The following WFDC10B variants were observed in gnomAD, a reference collection of about 807,000 sequenced individuals.
WFDC10B encodes the protein protein WFDC10B.
In WFDC10B, 1 loss-of-function variant was observed where a neutral mutation model predicts 2.7. That is an observed-to-expected ratio of 0.38 (90% CI 0.13 to 1.79). The LOEUF is 1.79. WFDC10B is among the 40% of genes most tolerant of loss of function. WFDC10B has a pLI of 0.33. For missense variants in WFDC10B, 71 were observed against 87.8 expected, an observed-to-expected ratio of 0.81 and a Z score of 0.76; for synonymous variants, 26 against 32.2, an observed-to-expected ratio of 0.81 and a Z score of 0.65.
At chr20:45,693,220 G>A (rs566412793) in intron 2 of WFDC10B, among the ~76,000 whole-genome samples, 218 of 152,326 alleles carry the variant, frequency 1.4e-3, no homozygotes, top group African/African-American at 5.1e-3. Context: ...AGCTGTGTGA[G>A]GTGTCAGTCT....
intron 2 of WFDC10B, among the ~76,000 whole-genome samples, chr20:45,701,545 T>C (rs947118169): frequency 6.6e-6 from 1 of 152,124 alleles, no homozygotes; most frequent in Non-Finnish European, 1.5e-5. Context: ...GCAGATCACC[T>C]GAGGTCAGGA....
At chr20:45,686,640 A>G (rs6032428) in intron 2 of WFDC10B, among the ~76,000 whole-genome samples, 13 of 151,914 alleles carry the variant, frequency 8.6e-5, no homozygotes, top group South Asian at 2.1e-4. Flanking sequence ...GGCTATTTGC[A>G]TATAATGGAT....
intron 3 of WFDC10B, 108 bp downstream of exon 3, chr20:45,685,794 C>T: frequency 1.3e-6 from 2 of 1,506,342 alleles, no homozygotes; most frequent in East Asian, 2.5e-5. Context: ...GTGGTCAGAG[C>T]TGGATATGCA....
rs564813421 is a variant in WFDC10B, at chr20:45,699,197, C to T, written c.-65+5300G>A. 1.1e-4 allele frequency among the ~76,000 whole-genome samples: 17 copies of T among 152,164 alleles called. No homozygotes were observed. In the East Asian group the frequency reaches 1.7e-3, roughly 16 times the overall value. On this transcript the variant is annotated intron_variant, in intron 2 of 3. Transcript: ENST00000330523. ...TGATAGAAGTATTAAATTGTTCAGC[C>T]GCTGTGGGAAGAGTTTGGAGTTTCC...
At chr20:45,684,988 GA>G (rs1283547689) in intron 3 of WFDC10B, 28 bp from the exon 4 acceptor site, 1 of 1,612,954 alleles carries the variant, frequency 6.2e-7, no homozygotes, top group East Asian at 2.2e-5. Context: ...CAGGGTCAAT[GA>G]AACCATGCAC....
chr20:45,684,678 G>A lies in WFDC10B; in HGVS notation c.*152C>T, dbSNP rs1983545691. ...CATGGGCATTTGTTCTGGTTTATTT[G>A]ACAGGGACAGGGAGTTCAGACACTG... On this transcript the variant is annotated 3_prime_UTR_variant, in exon 4 of 4. Transcript: ENST00000330523. 9.7e-7 allele frequency: 1 copy of A among 1,028,414 alleles called. No individual in the cohort carries two copies. Among genetic ancestry groups the A allele is most frequent in the South Asian group, 1.6e-5 (1 of 62,038 alleles). 63.7% of individuals were successfully genotyped at this position (1,028,414 alleles called of 1,614,324 possible). A position where few individuals can be genotyped will look rare whatever the true frequency, so the allele number is the denominator to read the frequency against.
chr20:45,697,743 T>TTC (rs936365819), intron 2 of WFDC10B, among the ~76,000 whole-genome samples: 6 of 120,112 alleles, frequency 5.0e-5, no homozygotes, highest in African/African-American at 2.2e-4. Context: ...TTTCTTTTTC[T>TTC]TTTTTTTTTT....
intron 2 of WFDC10B, chr20:45,702,110 A>T (rs1157726427): frequency 6.2e-7 from 1 of 1,611,498 alleles, no homozygotes; most frequent in Admixed American, 1.7e-5. Context: ...TTACTCACCC[A>T]TCCCACTGAC....
intron 2 of WFDC10B, among the ~76,000 whole-genome samples, chr20:45,690,994 C>T (rs549882508): frequency 7.0e-4 from 107 of 152,316 alleles, no homozygotes; most frequent in Non-Finnish European, 1.3e-3. Flanking sequence ...TTTCCCTCTA[C>T]ACACTGCTTT....
At position 45,685,942 on chromosome 20, in the gene WFDC10B, C is replaced by G. The variant is rs748944445; in HGVS notation, c.51G>C (p.Leu17=). ...TGTCACGGTATCCTCCCTGGGCCTG[C>G]AGCAGCAGCACACAGAGAACCAGGA... ...LLVLVLCVLL[L]QAQGGYRDKM... Residue 17 remains leucine (L), a synonymous_variant, in exon 3 of 4, where the codon CTG becomes CTC. Transcript: ENST00000330523. 2 of 1,613,994 alleles carry G rather than the reference C, an allele frequency of 1.2e-6. No individual in the cohort carries two copies. The highest frequency in any genetic ancestry group is 1.1e-5 in the South Asian group (1 of 91,040).
rs139129730 is a variant in WFDC10B, at chr20:45,685,005, G to C, written c.92-45C>G. 6.3e-5 allele frequency: 102 copies of C among 1,609,984 alleles called. 2 individuals are homozygous for C. In the African/African-American group the frequency reaches 1.3e-3, roughly 20 times the overall value. On this transcript the variant is annotated intron_variant, in intron 3 of 3. Coordinates refer to ENST00000330523, the MANE Select transcript of WFDC10B (RefSeq NM_172006.2). The stretch of plus-strand genomic sequence containing the variant: ...GGGTCAATGAAACCATGCACCTATA[G>C]AGCAGCCTTCTCAAGCTTGAAGCTC...
chr20:45,697,402 T>TTTTTTTA (rs1491218635), intron 2 of WFDC10B, among the ~76,000 whole-genome samples: 1 of 129,464 alleles, frequency 7.7e-6, no homozygotes, highest in African/African-American at 3.0e-5. Context: ...TTTTTTTTTT[T>TTTTTTTA]GAGACAGCGT....
intron 2 of WFDC10B, chr20:45,702,156 G>A (rs770962837): frequency 6.2e-7 from 1 of 1,613,454 alleles, no homozygotes; most frequent in Non-Finnish European, 8.5e-7. Context: ...AGTTCCTGGT[G>A]GTGTTCTGCC....
intron 2 of WFDC10B, among the ~76,000 whole-genome samples, chr20:45,695,832 C>T (rs1983959370): frequency 1.3e-5 from 2 of 151,852 alleles, no homozygotes; most frequent in African/African-American, 4.8e-5. Context: ...AAAAAACTAA[C>T]TAACTGGGCA....
chr20:45,691,846 A>C (rs1185647553), intron 2 of WFDC10B, among the ~76,000 whole-genome samples: 1 of 152,148 alleles, frequency 6.6e-6, no homozygotes, highest in Non-Finnish European at 1.5e-5. Context: ...ATTTAAAGTT[A>C]GTATTGTTAT....
At chr20:45,704,695 T>A (rs1388473781) in intron 1 of WFDC10B, 134 bp from the exon 2 acceptor site, 11 of 1,512,968 alleles carry the variant, frequency 7.3e-6, no homozygotes, top group Non-Finnish European at 9.7e-6. Flanking sequence ...TCCTTTTTTT[T>A]TTTTTTCCTT....
At chr20:45,701,453 A>G (rs549942191) in intron 2 of WFDC10B, among the ~76,000 whole-genome samples, 2 of 152,260 alleles carry the variant, frequency 1.3e-5, no homozygotes, top group South Asian at 4.1e-4. Flanking sequence ...AACATTTACA[A>G]TTTCCTTTTA....
intron 2 of WFDC10B, among the ~76,000 whole-genome samples, chr20:45,688,715 A>T (rs199875896): frequency 6.6e-6 from 1 of 151,968 alleles, no homozygotes; most frequent in Non-Finnish European, 1.5e-5. Context: ...TAAATTTGTT[A>T]GAGTTCATTG....
intron 2 of WFDC10B, among the ~76,000 whole-genome samples, chr20:45,692,846 T>C (rs1307243477): frequency 6.6e-6 from 1 of 152,252 alleles, no homozygotes; most frequent in East Asian, 1.9e-4. Context: ...TCATTCTCCG[T>C]CCAGCTTTGT....
Sources: allele counts gnomAD v4.1 joint callset (sites outside exome capture counted in the v4.1 genomes callset), GRCh38; gene constraint gnomAD v4.1.1; transcripts MANE v1.5; gene names NCBI Gene and HGNC (gene_info 2026-07-23, HGNC 2026-07-21).